The following PHLDB1 variants were observed in gnomAD, a reference collection of about 807,000 sequenced individuals.
PHLDB1 encodes pleckstrin homology-like domain family B member 1.
A neutral mutation model predicts 139.3 loss-of-function variants in PHLDB1; 65 were observed. The ratio of observed to expected loss-of-function variants is 0.47; its 90% CI spans 0.38 to 0.57. The LOEUF is 0.57. Ranked by LOEUF, PHLDB1 falls within the 20% of genes least tolerant of loss-of-function variation. The probability of loss-of-function intolerance (pLI) is 0.00; values close to 1 mark genes in which losing one functional copy is unlikely to be tolerated. For synonymous variants in PHLDB1, 679 were observed against 734.5 expected, an observed-to-expected ratio of 0.92 and a Z score of 1.22; for missense variants, 1,624 against 1,839.7, an observed-to-expected ratio of 0.88 and a Z score of 2.14.
chr11:118,639,538 G>A, intron 12 of PHLDB1: 1 of 510,456 alleles, frequency 2.0e-6, no homozygotes, highest in Non-Finnish European at 3.5e-6. Context: ...TGGGTAGACA[G>A]CTCAGAGGCT....
intron 15 of PHLDB1, chr11:118,644,668 C>T (rs1555125213): frequency 1.6e-6 from 2 of 1,289,910 alleles, no homozygotes; most frequent in African/African-American, 3.0e-5. Flanking sequence ...CCCGCCGAGC[C>T]CCTCCCAACC....
At chr11:118,626,958 G>A (rs1017044455) in intron 5 of PHLDB1, 13 of 276,748 alleles carry the variant, frequency 4.7e-5, no homozygotes, top group East Asian at 4.7e-4. Context: ...CCTGGCCTAC[G>A]TGCCCTTCTT....
chr11:118,614,497 T>C, intron 2 of PHLDB1, 62 bp from the exon 3 acceptor site: 1 of 1,586,152 alleles, frequency 6.3e-7, no homozygotes, highest in Non-Finnish European at 8.6e-7. Flanking sequence ...CTGGTGTGAC[T>C]GGTTTAGGGT....
At chr11:118,641,454 C>G in intron 12 of PHLDB1, 1 of 301,862 alleles carries the variant, frequency 3.3e-6, no homozygotes, top group Non-Finnish European at 6.2e-6. Context: ...GCCTTCTGCT[C>G]TAGGATGAGG....
intron 10 of PHLDB1, among the ~76,000 whole-genome samples, chr11:118,638,271 G>T (rs1555117061): frequency 6.6e-6 from 1 of 152,216 alleles, no homozygotes; most frequent in Non-Finnish European, 1.5e-5. Flanking sequence ...GCCTGGTAAG[G>T]AGTTTGTGCT....
chr11:118,647,683 A>G, intron 17 of PHLDB1: 1 of 392,234 alleles, frequency 2.5e-6, no homozygotes, highest in South Asian at 9.1e-5. Flanking sequence ...AAAAGTTTAA[A>G]TGATTTTATC....
upstream of PHLDB1, chr11:118,606,615 G>A (rs1226033285): frequency 2.0e-5 from 3 of 152,294 alleles, no homozygotes; most frequent in Non-Finnish European, 4.4e-5. Context: ...GTCCAGCTGA[G>A]TTCAGCTCCC....
intron 20 of PHLDB1, chr11:118,654,998 A>G (rs1483222328): frequency 6.6e-6 from 1 of 152,268 alleles, no homozygotes; most frequent in Non-Finnish European, 1.5e-5. Context: ...AATTATAGGC[A>G]TGAGCCACCA....
chr11:118,639,165 AAGG>A lies in PHLDB1; in HGVS notation c.2653_2655del (p.Glu885del). On this transcript the variant is annotated inframe_deletion, in exon 12 of 23. Transcript: ENST00000600882. ...CTCTGCCATTCTGGGCTCGCAGGAGAAGGAGAAGCTGACTGTGCTGGAAAGGAG... is the reference window on the plus strand; with the variant it reads ...CTCTGCCATTCTGGGCTCGCAGGAGAAGAAGCTGACTGTGCTGGAAAGGAG... 1 of 1,613,860 alleles carries A rather than the reference AAGG, an allele frequency of 6.2e-7. No individual in the cohort carries two copies. Among genetic ancestry groups the A allele is most frequent in the Non-Finnish European group, 8.5e-7 (1 of 1,179,812 alleles).
chr11:118,655,927 A>G (rs782475688), intron 22 of PHLDB1, 35 bp downstream of exon 22: 1 of 1,530,114 alleles, frequency 6.5e-7, no homozygotes, highest in Non-Finnish European at 9.1e-7. Flanking sequence ...CCAGCACATT[A>G]ACACCTCCTG....
At chr11:118,609,440 C>A (rs1939741409) in intron 1 of PHLDB1, among the ~76,000 whole-genome samples, 1 of 149,624 alleles carries the variant, frequency 6.7e-6, no homozygotes, top group Non-Finnish European at 1.5e-5. Context: ...CCAGCTCACA[C>A]ACGCAGCCCG....
intron 4 of PHLDB1, 75 bp downstream of exon 4, chr11:118,616,286 C>G (rs890158146): frequency 4.1e-5 from 56 of 1,372,646 alleles, no homozygotes; most frequent in Admixed American, 2.1e-4. Context: ...GGGAGGCTGG[C>G]TGTGGTGGTT....
chr11:118,607,941 C>T (rs915177662), intron 1 of PHLDB1, among the ~76,000 whole-genome samples: 7 of 152,044 alleles, frequency 4.6e-5, no homozygotes, highest in Admixed American at 3.9e-4. Context: ...CCAACGCCAC[C>T]GCCAGAGGGG....
In PHLDB1 at chr11:118,627,473, C is replaced by A; in HGVS notation, c.650C>A (p.Ala217Asp). ...EEPGAAGKKP[A>D]ATSPLSPMAN... ...CCTGGAGCTGCTGGCAAGAAGCCTG[C>A]CGCAACCTCTCCACTGTCACCGATG... is the stretch of plus-strand genomic sequence containing the variant. The change falls in exon 6 of 23, where the codon GCC becomes GAC. Residue 217 changes from alanine to aspartate, a missense_variant. Ala to Asp is a moderately radical substitution (Grantham distance 126). Coordinates refer to ENST00000600882, the MANE Select transcript of PHLDB1 (RefSeq NM_001144758.3). The A allele has an allele frequency of 2.5e-6, 4 of 1,614,196 alleles. No homozygotes were observed. Among genetic ancestry groups the A allele is most frequent in the Non-Finnish European group, 3.4e-6 (4 of 1,180,014 alleles).
At position 118,655,685 on chromosome 11, in the gene PHLDB1, GCCAA is replaced by G; in HGVS notation, c.3956_3959del (p.Ala1319GlyfsTer10). The G allele has an allele frequency of 6.2e-7, 1 of 1,610,672 alleles. No individual in the cohort carries two copies. Among genetic ancestry groups the G allele is most frequent in the Non-Finnish European group, 8.5e-7 (1 of 1,176,900 alleles). The stretch of plus-strand genomic sequence containing the variant: ...GTACTACGACCACCTGCGCAGTGCA[GCCAA>G]GGTCAGGGGTGGAGGGCACCAGAGG... On this transcript the variant is annotated frameshift_variant and splice_region_variant, in exon 21 of 23. Transcript: ENST00000600882. LOFTEE classifies it high-confidence loss of function.
rs150254656 is a variant in PHLDB1 at position 118,627,672 on chromosome 11, G to A, written c.849G>A (p.Pro283=). The A allele has an allele frequency of 8.8e-5, 141 of 1,610,822 alleles. No individual in the cohort carries two copies. The highest frequency in any genetic ancestry group is 1.6e-4 in the Middle Eastern group (1 of 6,084). Reference sequence around the variant, plus strand: ...AAGAGCCAGGACCTTCTGTGCCCCCGCTGGTACCTGCCCGTTCCTCCAGCT... The same window carrying A: ...AAGAGCCAGGACCTTCTGTGCCCCCACTGGTACCTGCCCGTTCCTCCAGCT... The part of the protein sequence containing the change: ...SGQEPGPSVP[P]LVPARSSSYH... The change falls in exon 6 of 23, where the codon CCG becomes CCA. Residue 283 remains proline (P), a synonymous_variant. Coordinates refer to ENST00000600882, the MANE Select transcript of PHLDB1 (RefSeq NM_001144758.3).
At position 118,650,591 on chromosome 11, in the gene PHLDB1, G is replaced by A; in HGVS notation, c.3874+44G>A. ...ACCCTGGGGGCCAGCCAGGATCCCT[G>A]GGCTCTGTTACCCAGGACGGCTGGT... is the stretch of plus-strand genomic sequence containing the variant. On this transcript the variant is annotated intron_variant, in intron 20 of 22. Coordinates refer to ENST00000600882, the MANE Select transcript of PHLDB1 (RefSeq NM_001144758.3). The surrounding 1 kb of genome is among the most constrained non-coding windows in gnomAD (Gnocchi z 4.7). 1.5e-6 allele frequency: 2 copies of A among 1,352,254 alleles called. No homozygotes were observed. The highest frequency in any genetic ancestry group is 1.2e-5 in the South Asian group (1 of 85,900). 83.8% of individuals were successfully genotyped at this position (1,352,254 alleles called of 1,614,324 possible).
At chr11:118,621,318 C>G (rs1236462334) in intron 4 of PHLDB1, 1 of 152,476 alleles carries the variant, frequency 6.6e-6, no homozygotes, top group Non-Finnish European at 1.5e-5. Context: ...TTCCCCTCCT[C>G]CTCTCCTTTG....
Position 118,645,253 on chromosome 11 carries a change from A to T in PHLDB1, c.3122-103A>T. On this transcript the variant is annotated intron_variant, in intron 15 of 22. Transcript: ENST00000600882. This position sits in a 1 kb window ranked among gnomAD's most constrained non-coding sequence, Gnocchi z 5.1. ...CGGGGAGAGGGGGCTGCTCTGTGTT[A>T]ACCTCTCCCTGCTTGCCCCTCCCTC... 1.2e-6 allele frequency: 1 copy of T among 854,822 alleles called. No individual in the cohort carries two copies. Among genetic ancestry groups the T allele is most frequent in the Non-Finnish European group, 1.8e-6 (1 of 568,536 alleles). 53.0% of individuals were successfully genotyped at this position (854,822 alleles called of 1,614,324 possible).
Sources: allele counts gnomAD v4.1 joint callset (sites outside exome capture counted in the v4.1 genomes callset), GRCh38; gene constraint gnomAD v4.1.1; non-coding constraint Gnocchi (gnomAD v3.1); transcripts MANE v1.5; gene names NCBI Gene and HGNC (gene_info 2026-07-23, HGNC 2026-07-21).